DACH1: variants seen among roughly 807,000 people sequenced by gnomAD.
DACH1 encodes dachshund homolog 1.
Under a neutral mutation model 54.2 loss-of-function variants are expected in DACH1, and 12 were observed. The ratio of observed to expected loss-of-function variants is 0.22; its 90% CI spans 0.14 to 0.36. The LOEUF (loss-of-function observed/expected upper bound fraction) is 0.36, where lower values mean the gene tolerates loss of function less well. Ranked by LOEUF, DACH1 falls within the 10% of genes least tolerant of loss-of-function variation. DACH1 has a pLI of 1.00. For synonymous variants in DACH1, 386 were observed against 366.2 expected (o/e 1.05, Z -0.62); for missense variants, 805 against 929.8 (o/e 0.87, Z 1.75).
intron 1 of DACH1, among the ~76,000 whole-genome samples, chr13:71,727,800 G>C (rs1457240621): frequency 6.6e-6 from 1 of 152,090 alleles, no homozygotes; most frequent in African/African-American, 2.4e-5. Context: ...TCAATCAGCT[G>C]CAAGTATATG....
intron 4 of DACH1, among the ~76,000 whole-genome samples, chr13:71,561,438 G>A (rs1884576737): frequency 6.6e-6 from 1 of 152,124 alleles, no homozygotes; most frequent in African/African-American, 2.4e-5. Context: ...GAAGATAGGA[G>A]GGAAGAATGT....
intron 10 of DACH1, among the ~76,000 whole-genome samples, chr13:71,443,334 C>T (rs565007709): frequency 1.0e-3 from 154 of 151,972 alleles, no homozygotes; most frequent in African/African-American, 3.6e-3. Flanking sequence ...TGGCTCACAA[C>T]TGTAATGCCA....
rs1409042509 is a variant in DACH1, at chr13:71,866,349, T to C, written c.421A>G (p.Ser141Gly). ...CTGCTGCTGCTACTGCTGCTGCTGC[T>C]GCTGCCGGTGCTGGCGTTGATGGGG... ...STPINASTGS[S>G]SSSSSSSSSS... Residue 141 changes from serine to glycine, a missense_variant, in exon 1 of 11, where the codon AGC becomes GGC. By Grantham distance (56) the Ser-to-Gly change is moderately conservative. This residue lies in a region of DACH1 where 305 missense variants were observed against 308.7 expected (regional missense o/e 0.99). Transcript: ENST00000613252. 3 of 1,527,840 alleles carry C rather than the reference T, an allele frequency of 2.0e-6. No homozygotes were observed. The African/African-American group carries it at 4.1e-5, about 21-fold the overall frequency. 94.6% of individuals were successfully genotyped at this position (1,527,840 alleles called of 1,614,324 possible).
chr13:71,470,897 AGGAACT>A (rs1877011332), intron 10 of DACH1, among the ~76,000 whole-genome samples: 1 of 152,196 alleles, frequency 6.6e-6, no homozygotes, highest in African/African-American at 2.4e-5. Context: ...GCATTGAACA[AGGAACT>A]GCATGTACAG....
intron 2 of DACH1, among the ~76,000 whole-genome samples, chr13:71,636,502 G>A (rs74096981): frequency 1.4e-3 from 215 of 150,948 alleles, no homozygotes; most frequent in African/African-American, 4.9e-3. Context: ...AACAAGAAAC[G>A]ATGACTTTAA....
chr13:71,462,991 G>C (rs1566273789), intron 10 of DACH1, among the ~76,000 whole-genome samples: 1 of 151,718 alleles, frequency 6.6e-6, no homozygotes, highest in Non-Finnish European at 1.5e-5. Flanking sequence ...AGATGTCTTT[G>C]CCATTTTGAC....
At chr13:71,651,344 G>A (rs1048996652) in intron 2 of DACH1, among the ~76,000 whole-genome samples, 2 of 150,012 alleles carry the variant, frequency 1.3e-5, no homozygotes, top group Admixed American at 6.7e-5. Flanking sequence ...CTCCAGCCTG[G>A]GCAACAGAGT....
intron 8 of DACH1, among the ~76,000 whole-genome samples, chr13:71,477,098 A>G (rs866694753): frequency 2.5e-3 from 127 of 51,716 alleles, no homozygotes; most frequent in African/African-American, 8.6e-3. Flanking sequence ...ATATATATAT[A>G]TATATATTTT....
intron 1 of DACH1, among the ~76,000 whole-genome samples, chr13:71,823,220 A>C (rs543056082): frequency 6.6e-6 from 1 of 152,270 alleles, no homozygotes; most frequent in South Asian, 2.1e-4. Flanking sequence ...TAAGACAGCA[A>C]AATTATTCAA....
intron 1 of DACH1, among the ~76,000 whole-genome samples, chr13:71,807,856 A>G (rs528078786): frequency 6.6e-6 from 1 of 152,294 alleles, no homozygotes; most frequent in South Asian, 2.1e-4. Context: ...TGTCCAATTG[A>G]CACTGCCTGG....
At chr13:71,596,419 T>C (rs554104757) in intron 3 of DACH1, among the ~76,000 whole-genome samples, 1 of 152,088 alleles carries the variant, frequency 6.6e-6, no homozygotes, top group Non-Finnish European at 1.5e-5. Context: ...ATTTATACAC[T>C]TTGGGGATTT....
At chr13:71,446,232 C>T (rs1386597945) in intron 10 of DACH1, among the ~76,000 whole-genome samples, 1 of 152,160 alleles carries the variant, frequency 6.6e-6, no homozygotes, top group Admixed American at 6.5e-5. Flanking sequence ...CTCACTCCTG[C>T]CCACCATTTT....
chr13:71,691,876 C>T (rs1881494183), intron 1 of DACH1, among the ~76,000 whole-genome samples: 3 of 152,056 alleles, frequency 2.0e-5, no homozygotes, highest in South Asian at 4.1e-4. Flanking sequence ...GTAAATGTTG[C>T]AGAGCATGGT....
intron 1 of DACH1, among the ~76,000 whole-genome samples, chr13:71,699,159 T>C (rs1881985220): frequency 6.6e-6 from 1 of 152,172 alleles, no homozygotes; most frequent in Non-Finnish European, 1.5e-5. Flanking sequence ...TAAAATACTT[T>C]AGGGCAAATT....
At chr13:71,743,197 A>G (rs1884474645) in intron 1 of DACH1, among the ~76,000 whole-genome samples, 1 of 152,132 alleles carries the variant, frequency 6.6e-6, no homozygotes, top group African/African-American at 2.4e-5. Flanking sequence ...ATGCCAAAAG[A>G]AGGACAGATC....
chr13:71,753,074 C>T (rs1008258191), intron 1 of DACH1, among the ~76,000 whole-genome samples: 1 of 152,120 alleles, frequency 6.6e-6, no homozygotes, highest in Non-Finnish European at 1.5e-5. Flanking sequence ...AATAGAAAGG[C>T]CCTCTTGTTA....
chr13:71,816,677 C>CGT (rs1566519560), intron 1 of DACH1, among the ~76,000 whole-genome samples: 2 of 125,410 alleles, frequency 1.6e-5, no homozygotes, highest in African/African-American at 2.9e-5. Context: ...TATATACACA[C>CGT]ATATATATAT....
intron 3 of DACH1, among the ~76,000 whole-genome samples, chr13:71,620,921 G>A (rs1876188020): frequency 6.6e-6 from 1 of 151,538 alleles, no homozygotes; most frequent in Non-Finnish European, 1.5e-5. Flanking sequence ...ATTTTCCTGA[G>A]AATTCCTGAA....
chr13:71,835,838 T>G (rs916192433), intron 1 of DACH1, among the ~76,000 whole-genome samples: 1 of 152,066 alleles, frequency 6.6e-6, no homozygotes, highest in African/African-American at 2.4e-5. Context: ...ACATTAAAGT[T>G]TATACAGATT....
Sources: allele counts gnomAD v4.1 joint callset (sites outside exome capture counted in the v4.1 genomes callset), GRCh38; gene constraint gnomAD v4.1.1; regional missense constraint gnomAD v4.1.1; transcripts MANE v1.5; gene names NCBI Gene and HGNC (gene_info 2026-07-23, HGNC 2026-07-21).